RUNX1: variants seen among roughly 807,000 people sequenced by gnomAD.
RUNX1 encodes the protein RUNX family transcription factor 1, also known as runt-related transcription factor 1.
Under a neutral mutation model 42.8 loss-of-function variants are expected in RUNX1, and 19 were observed. The observed-to-expected ratio is 0.44, with a 90% CI of 0.31 to 0.65. The LOEUF (loss-of-function observed/expected upper bound fraction) is 0.65, where lower values mean the gene tolerates loss of function less well. Among genes scored for constraint, RUNX1 ranks in the 30% least tolerant of loss-of-function variants. RUNX1 has a pLI of 0.07. For missense variants in RUNX1, 528 were observed against 672.0 expected, an observed-to-expected ratio of 0.79 and a Z score of 2.37; for synonymous variants, 271 against 289.4, an observed-to-expected ratio of 0.94 and a Z score of 0.64.
intron 7 of RUNX1, among the ~76,000 whole-genome samples, chr21:34,825,452 A>C (rs2056973182): frequency 6.6e-6 from 1 of 152,156 alleles, no homozygotes; most frequent in Non-Finnish European, 1.5e-5. Context: ...AAAAAATCAT[A>C]CATTTTTCTG....
chr21:35,025,418 C>A (rs9981422), intron 2 of RUNX1, among the ~76,000 whole-genome samples: 2 of 152,150 alleles, frequency 1.3e-5, no homozygotes, highest in East Asian at 3.9e-4. Context: ...GCTCCTCCCC[C>A]AGACGTTCCG....
intron 2 of RUNX1, among the ~76,000 whole-genome samples, chr21:34,973,453 A>G (rs2058777345): frequency 6.6e-6 from 1 of 152,226 alleles, no homozygotes; most frequent in South Asian, 2.1e-4. Flanking sequence ...AAATTTTTGT[A>G]TGTGAATTTT....
intron 2 of RUNX1, among the ~76,000 whole-genome samples, chr21:35,004,703 A>G (rs979412694): frequency 2.6e-5 from 4 of 152,218 alleles, no homozygotes; most frequent in Non-Finnish European, 5.9e-5. Context: ...TGAAGATTTT[A>G]TTAAATGACA....
chr21:34,936,051 T>G (rs7282762), intron 2 of RUNX1, among the ~76,000 whole-genome samples: 89,148 of 151,920 alleles, frequency 0.59, 27,101 homozygotes, highest in African/African-American at 0.76. Flanking sequence ...CACTAAGAGG[T>G]GACTAACATG....
chr21:34,810,381 A>C (rs2056742652), intron 7 of RUNX1, among the ~76,000 whole-genome samples: 1 of 152,246 alleles, frequency 6.6e-6, no homozygotes, highest in Non-Finnish European at 1.5e-5. Context: ...ATAAAATCAG[A>C]AGAAAAACTC....
intron 6 of RUNX1, among the ~76,000 whole-genome samples, chr21:34,851,582 A>C (rs149115643): frequency 2.0e-5 from 3 of 152,292 alleles, no homozygotes; most frequent in African/African-American, 4.8e-5. Context: ...GCCTAAATGC[A>C]GACAGGGTTT....
intron 2 of RUNX1, among the ~76,000 whole-genome samples, chr21:34,987,094 C>T (rs950711707): frequency 2.6e-5 from 4 of 152,216 alleles, no homozygotes; most frequent in African/African-American, 7.2e-5. Flanking sequence ...TTCTGACTTA[C>T]GGCTTTGTTA....
At chr21:35,021,056 T>C (rs1454008887) in intron 2 of RUNX1, among the ~76,000 whole-genome samples, 1 of 152,122 alleles carries the variant, frequency 6.6e-6, no homozygotes, top group Non-Finnish European at 1.5e-5. Context: ...CAAGAGAAAA[T>C]TCCATCTTGG....
At chr21:34,957,095 T>C (rs1170778849) in intron 2 of RUNX1, among the ~76,000 whole-genome samples, 1 of 152,188 alleles carries the variant, frequency 6.6e-6, no homozygotes, top group Non-Finnish European at 1.5e-5. Flanking sequence ...ACGAAGCCTC[T>C]GAGCTTTGTG....
chr21:35,001,396 T>A (rs539344004), intron 2 of RUNX1, among the ~76,000 whole-genome samples: 8 of 151,472 alleles, frequency 5.3e-5, no homozygotes, highest in African/African-American at 1.9e-4. Context: ...ATGGCACTAA[T>A]TACATTCACA....
intron 2 of RUNX1, among the ~76,000 whole-genome samples, chr21:35,009,131 G>GC (rs2059106605): frequency 3.9e-5 from 6 of 152,118 alleles, no homozygotes; most frequent in Non-Finnish European, 8.8e-5. Context: ...TTTTAACCCT[G>GC]TGCCAACTCC....
In RUNX1 at chr21:34,937,287, G is replaced by A. The variant is rs1328159983; in HGVS notation, c.59-44324C>T. 2.8e-5 allele frequency among the ~76,000 whole-genome samples: 4 copies of A among 144,094 alleles called. No individual in the cohort carries two copies. The South Asian group carries it at 8.7e-4, about 31-fold the overall frequency. 94.5% of individuals were successfully genotyped at this position (144,094 alleles called of 152,430 possible). A position where few individuals can be genotyped will look rare whatever the true frequency, so the allele number is the denominator to read the frequency against. On this transcript the variant is annotated intron_variant, in intron 2 of 8. Transcript: ENST00000675419. ...ATATTTAAAAACACAGATGGACCTG[G>A]GAACATGCCATTGTAACATTGTGGC...
chr21:34,978,774 A>G (rs925428302), intron 2 of RUNX1, among the ~76,000 whole-genome samples: 2 of 152,154 alleles, frequency 1.3e-5, no homozygotes, highest in African/African-American at 4.8e-5. Context: ...TTCTACTGAT[A>G]AACTGTGGGC....
chr21:34,915,454 T>G (rs917379867), intron 2 of RUNX1, among the ~76,000 whole-genome samples: 3 of 152,210 alleles, frequency 2.0e-5, no homozygotes, highest in Non-Finnish European at 4.4e-5. Flanking sequence ...ACATGACCAT[T>G]CATTCTTCCT....
chr21:35,014,342 C>A (rs536743010), intron 2 of RUNX1, among the ~76,000 whole-genome samples: 21 of 152,132 alleles, frequency 1.4e-4, no homozygotes, highest in Non-Finnish European at 2.5e-4. Context: ...ATGAAACATC[C>A]TGCCTAGGTG....
intron 7 of RUNX1, among the ~76,000 whole-genome samples, chr21:34,808,759 A>G (rs575990828): frequency 6.6e-6 from 1 of 152,246 alleles, no homozygotes; most frequent in African/African-American, 2.4e-5. Flanking sequence ...CGAGGCTGCT[A>G]CCCTCAGCCA....
In RUNX1 at chr21:34,938,322, C is replaced by G. The variant is rs554963089; in HGVS notation, c.59-45359G>C. Among the ~76,000 whole-genome samples the G allele has an allele frequency of 5.9e-5, 9 of 152,238 alleles. No homozygotes were observed. The South Asian group carries it at 8.3e-4, about 14-fold the overall frequency. ...CTCCTCCTCAGAACTTAATATTTAA[C>G]TAAACTCTTTCAGTTACTAATTAAG... On this transcript the variant is annotated intron_variant, in intron 2 of 8. Transcript: ENST00000675419.
chr21:35,043,017 C>T (rs1231417141), intron 2 of RUNX1, among the ~76,000 whole-genome samples: 1 of 152,138 alleles, frequency 6.6e-6, no homozygotes, highest in South Asian at 2.1e-4. Flanking sequence ...GAGTATAACA[C>T]GTGTCTCCCC....
At chr21:34,888,546 AG>A (rs1312889416) in intron 3 of RUNX1, 1 of 1,064,076 alleles carries the variant, frequency 9.4e-7, no homozygotes, top group Admixed American at 5.4e-5. Context: ...ACGCAGGCCA[AG>A]GAGAAGCAGC....
Sources: allele counts gnomAD v4.1 joint callset (sites outside exome capture counted in the v4.1 genomes callset), GRCh38; gene constraint gnomAD v4.1.1; transcripts MANE v1.5; gene names NCBI Gene and HGNC (gene_info 2026-07-23, HGNC 2026-07-21).